Variants in JAZF1 observed in about 807,000 individuals in gnomAD.
JAZF1 encodes the protein JAZF zinc finger 1.
A neutral mutation model predicts 26.4 loss-of-function variants in JAZF1; 8 were observed. The observed-to-expected ratio is 0.30, with a 90% CI of 0.18 to 0.55. The LOEUF (loss-of-function observed/expected upper bound fraction) is 0.55, where lower values mean the gene tolerates loss of function less well. JAZF1 is among the 20% of genes least tolerant of loss of function. JAZF1 has a pLI of 0.94. For synonymous variants in JAZF1, 126 were observed against 122.3 expected (o/e 1.03, Z -0.20); for missense variants, 199 against 322.0 (o/e 0.62, Z 2.92).
chr7:27,964,862 T>A (rs1345886253), intron 2 of JAZF1, among the ~76,000 whole-genome samples: 1 of 152,190 alleles, frequency 6.6e-6, no homozygotes, highest in East Asian at 1.9e-4. Flanking sequence ...TCAATAAAAG[T>A]CATTTTAAAA....
At chr7:28,073,456 A>T (rs1489731788) in intron 1 of JAZF1, among the ~76,000 whole-genome samples, 1 of 152,168 alleles carries the variant, frequency 6.6e-6, no homozygotes, top group Non-Finnish European at 1.5e-5. Flanking sequence ...CATGACTCCC[A>T]TCCTGACTCT....
chr7:28,038,442 AG>A (rs1213101515), intron 1 of JAZF1, among the ~76,000 whole-genome samples: 5 of 152,374 alleles, frequency 3.3e-5, no homozygotes, highest in Admixed American at 3.3e-4. Context: ...AACTAAAGAA[AG>A]GAAGACAAGA....
intron 1 of JAZF1, among the ~76,000 whole-genome samples, chr7:28,041,369 T>C (rs1053474286): frequency 6.6e-6 from 1 of 152,132 alleles, no homozygotes; most frequent in African/African-American, 2.4e-5. Context: ...TGACTTTAGA[T>C]GGATAAATAG....
intron 3 of JAZF1, among the ~76,000 whole-genome samples, chr7:27,866,702 G>A (rs539340758): frequency 6.6e-6 from 1 of 152,306 alleles, no homozygotes; most frequent in South Asian, 2.1e-4. Context: ...ATAATTAGTG[G>A]ACTAAAATGT....
At chr7:27,908,010 C>T (rs1310908288) in intron 2 of JAZF1, among the ~76,000 whole-genome samples, 1 of 152,166 alleles carries the variant, frequency 6.6e-6, no homozygotes, top group African/African-American at 2.4e-5. Context: ...CCACTAATAC[C>T]CTGGCCTGGG....
chr7:28,129,394 A>G (rs140488928), intron 1 of JAZF1, among the ~76,000 whole-genome samples: 3 of 152,240 alleles, frequency 2.0e-5, no homozygotes, highest in Non-Finnish European at 4.4e-5. Flanking sequence ...GTGATGCCTA[A>G]TAAGAATGGA....
chr7:27,976,940 A>C (rs1350003633), intron 2 of JAZF1, among the ~76,000 whole-genome samples: 7 of 152,252 alleles, frequency 4.6e-5, no homozygotes, highest in Admixed American at 1.3e-4. Context: ...GCTTTCATTA[A>C]GCAGCTCACA....
rs201584413 is a variant in JAZF1, at chr7:28,110,603, GA to G, written c.115+69859del. 0.016 allele frequency among the ~76,000 whole-genome samples: 1,824 copies of G among 115,908 alleles called. 93 individuals are homozygous for G. In the East Asian group the frequency reaches 0.36, roughly 23 times the overall value. The allele number at this position is 115,908 out of a possible 152,430, so 76.0% of individuals were successfully genotyped here. On this transcript the variant is annotated intron_variant, in intron 1 of 4. Coordinates refer to ENST00000283928, the MANE Select transcript of JAZF1 (RefSeq NM_175061.4). ...GGAAAAGGAAAAGGAAAAGGAAAAG[GA>G]AAAGGAAAGGAAAAGGAAAGGAAAG...
Position 28,079,721 on chromosome 7 carries a change from C to T in JAZF1, c.116-87740G>A, listed in dbSNP as rs553154370. 1.5e-3 allele frequency among the ~76,000 whole-genome samples: 226 copies of T among 152,334 alleles called. 1 individual carries two copies. The highest frequency in any genetic ancestry group is 5.2e-3 in the African/African-American group (218 of 41,574). ...AATTAGAAACATTTAATTGTACTCA[C>T]TATGTAGTAGGCCATGTTTCAAATG... On this transcript the variant is annotated intron_variant, in intron 1 of 4. Coordinates refer to ENST00000283928, the MANE Select transcript of JAZF1 (RefSeq NM_175061.4).
At chr7:28,003,795 C>A (rs1047820957) in intron 1 of JAZF1, among the ~76,000 whole-genome samples, 6 of 152,150 alleles carry the variant, frequency 3.9e-5, no homozygotes, top group African/African-American at 1.2e-4. Flanking sequence ...CCTATCTGCA[C>A]TGAAAGAAAT....
intron 1 of JAZF1, among the ~76,000 whole-genome samples, chr7:28,044,197 A>C (rs1783453740): frequency 6.6e-6 from 1 of 152,198 alleles, no homozygotes; most frequent in Non-Finnish European, 1.5e-5. Context: ...CATCTCACTG[A>C]AGACCATAAA....
At chr7:28,062,926 C>T (rs1783823652) in intron 1 of JAZF1, among the ~76,000 whole-genome samples, 3 of 152,218 alleles carry the variant, frequency 2.0e-5, no homozygotes, top group Admixed American at 1.3e-4. Context: ...TCATCATACA[C>T]CACTTACTCT....
intron 1 of JAZF1, among the ~76,000 whole-genome samples, chr7:28,016,222 T>C (rs776990340): frequency 6.6e-6 from 1 of 152,180 alleles, no homozygotes; most frequent in Non-Finnish European, 1.5e-5. Flanking sequence ...GATGGAGCAA[T>C]GCCTCTGAGG....
chr7:27,907,060 T>G lies in JAZF1; in HGVS notation c.189-11644A>C, dbSNP rs375483340. Reference sequence around the variant, plus strand: ...TTAAAAACTGAAGAGAAAGTTGCACTAAGGCTCTTAGAGTTTTAAATCCAG... The same window carrying G: ...TTAAAAACTGAAGAGAAAGTTGCACGAAGGCTCTTAGAGTTTTAAATCCAG... On this transcript the variant is annotated intron_variant, in intron 2 of 4. Coordinates refer to ENST00000283928, the MANE Select transcript of JAZF1 (RefSeq NM_175061.4). 5.1e-3 allele frequency among the ~76,000 whole-genome samples: 667 copies of G among 130,194 alleles called. 3 individuals carry two copies. The highest frequency in any genetic ancestry group is 0.017 in the African/African-American group (606 of 35,304). 85.4% of individuals were successfully genotyped at this position (130,194 alleles called of 152,430 possible).
At chr7:28,145,803 C>A (rs1237231098) in intron 1 of JAZF1, among the ~76,000 whole-genome samples, 1 of 152,110 alleles carries the variant, frequency 6.6e-6, no homozygotes, top group Non-Finnish European at 1.5e-5. Flanking sequence ...TTCCAGGACG[C>A]TGGCAACCAC....
chr7:27,832,834 A>G lies in JAZF1; in HGVS notation c.698T>C (p.Val233Ala). The change falls in exon 5 of 5, where the codon GTG becomes GCG. Residue 233 changes from valine (V) to alanine (A), a missense_variant. This residue lies in a region of JAZF1 where 62 missense variants were observed against 137.2 expected (regional missense o/e 0.45). Transcript: ENST00000283928. ...RHHTINFHPP[V>A]SAEIIRKMQQ ...CATCTTCCTGATAATCTCAGCCGAC[A>G]CCGGGGGATGGAAATTGATTGTGTG... 1 of 1,607,614 alleles carries G rather than the reference A, an allele frequency of 6.2e-7. No individual in the cohort carries two copies. The highest frequency in any genetic ancestry group is 8.5e-7 in the Non-Finnish European group (1 of 1,176,490).
chr7:28,143,999 T>G (rs999250279), intron 1 of JAZF1, among the ~76,000 whole-genome samples: 1 of 152,138 alleles, frequency 6.6e-6, no homozygotes, highest in African/African-American at 2.4e-5. Context: ...ATGGAATAAA[T>G]GAACAAATAA....
intron 1 of JAZF1, among the ~76,000 whole-genome samples, chr7:28,105,023 A>C (rs1224723538): frequency 6.6e-6 from 1 of 152,210 alleles, no homozygotes; most frequent in Non-Finnish European, 1.5e-5. Flanking sequence ...GGTTCAGCTC[A>C]GAGATCTTCA....
intron 1 of JAZF1, among the ~76,000 whole-genome samples, chr7:28,018,512 C>T (rs948436120): frequency 5.9e-5 from 9 of 152,170 alleles, no homozygotes; most frequent in Non-Finnish European, 1.0e-4. Context: ...ACTTTATACC[C>T]GTTGTCCTAG....
Sources: gnomAD v4.1 joint callset for allele counts (sites outside exome capture counted in the v4.1 genomes callset) on GRCh38, gnomAD v4.1.1 for gene constraint, gnomAD v4.1.1 regional missense constraint, MANE v1.5 for transcripts, NCBI Gene and HGNC (gene_info 2026-07-23, HGNC 2026-07-21) for gene names.